Variants in MXI1 observed in about 807,000 individuals in gnomAD.
MXI1 encodes max-interacting protein 1.
Under a neutral mutation model 36.9 loss-of-function variants are expected in MXI1, and 18 were observed. The observed-to-expected ratio is 0.49, with a 90% CI of 0.34 to 0.72. The LOEUF (loss-of-function observed/expected upper bound fraction) is 0.72, where lower values mean the gene tolerates loss of function less well. Ranked by LOEUF, MXI1 falls within the 30% of genes least tolerant of loss-of-function variation. MXI1 has a pLI of 0.01. For missense variants in MXI1, 304 were observed against 379.1 expected (o/e 0.80, Z 1.64); for synonymous variants, 160 against 146.7 (o/e 1.09, Z -0.65).
At chr10:110,215,690 C>T (rs1303386608) in intron 1 of MXI1, among the ~76,000 whole-genome samples, 2 of 152,200 alleles carry the variant, frequency 1.3e-5, no homozygotes, top group Non-Finnish European at 2.9e-5. Context: ...CAAAATGAAG[C>T]TAATTTCAAT....
chr10:110,274,872 A>ATTTTTTTTT (rs66570053), intron 3 of MXI1, among the ~76,000 whole-genome samples: 1 of 109,980 alleles, frequency 9.1e-6, no homozygotes, highest in Admixed American at 9.9e-5. Flanking sequence ...GTGAATAAGG[A>ATTTTTTTTT]TTTTTTTTTT....
Position 110,208,748 on chromosome 10 carries a change from C to G in MXI1, c.274+666C>G, listed in dbSNP as rs999956173. Among the ~76,000 whole-genome samples the G allele has an allele frequency of 8.1e-5, 12 of 148,746 alleles. No homozygotes were observed. In the South Asian group the frequency reaches 1.7e-3, roughly 21 times the overall value. The stretch of plus-strand genomic sequence containing the variant: ...CGTGGGGTGCCACCGCCGCCCCCCC[C>G]CCCCCAAAGAAGGAGGCCGGCGGGG... On this transcript the variant is annotated intron_variant, in intron 1 of 5. Coordinates refer to ENST00000332674, the MANE Select transcript of MXI1 (RefSeq NM_130439.3).
At chr10:110,279,119 T>C (rs1450988867) in intron 3 of MXI1, 61 bp from the exon 4 acceptor site, 2 of 1,260,408 alleles carry the variant, frequency 1.6e-6, no homozygotes, top group Admixed American at 3.6e-5. Context: ...TTAAAATAGG[T>C]TTTATGATAT....
intron 2 of MXI1, among the ~76,000 whole-genome samples, chr10:110,228,667 A>T (rs192575833): frequency 1.1e-3 from 134 of 125,866 alleles, no homozygotes; most frequent in African/African-American, 3.2e-3. Flanking sequence ...CAAGAAGATT[A>T]AAAAAAAAAT....
At chr10:110,246,348 A>G (rs1855863637) in intron 3 of MXI1, among the ~76,000 whole-genome samples, 1 of 152,006 alleles carries the variant, frequency 6.6e-6, no homozygotes, top group South Asian at 2.1e-4. Flanking sequence ...GAGAGATTAG[A>G]TTAATAACAA....
rs1469834689 is a variant in MXI1 at position 110,244,864 on chromosome 10, C to A, written c.437+7C>A. 1 of 1,604,932 alleles carries A rather than the reference C, an allele frequency of 6.2e-7. No individual in the cohort carries two copies. The highest frequency in any genetic ancestry group is 1.1e-5 in the South Asian group (1 of 90,184). On this transcript the variant is annotated splice_region_variant and intron_variant, in intron 3 of 5. Transcript: ENST00000332674. The stretch of plus-strand genomic sequence containing the variant: ...ATGAGCTGGAAAAGAATCGGTGAGT[C>A]AGTGATGAGGTACAGCTTTCACTTA...
intron 3 of MXI1, among the ~76,000 whole-genome samples, chr10:110,251,402 T>C (rs1300164599): frequency 6.6e-6 from 1 of 152,146 alleles, no homozygotes; most frequent in Non-Finnish European, 1.5e-5. Context: ...CCCTATTCTA[T>C]TCTAGTTAAG....
chr10:110,280,031 C>G lies in MXI1; in HGVS notation c.670C>G (p.Arg224Gly), dbSNP rs752984163. Residue 224 changes from arginine to glycine, a missense_variant, in exon 5 of 6, where the codon CGA (arginine) becomes GGA (glycine). This residue lies in a region of MXI1 where 125 missense variants were observed against 194.3 expected (regional missense o/e 0.64). Coordinates refer to ENST00000332674, the MANE Select transcript of MXI1 (RefSeq NM_130439.3). Reference protein sequence around the residue: ...LQGPQEMERIRMDSIGSTISS... With the variant: ...LQGPQEMERIGMDSIGSTISS... ...GGGTCCTCAGGAGATGGAACGAATA[C>G]GAATGGACAGCATTGGATCAACTAT... 3.1e-6 allele frequency: 5 copies of G among 1,605,042 alleles called. No individual in the cohort carries two copies. The highest frequency in any genetic ancestry group is 4.3e-6 in the Non-Finnish European group (5 of 1,174,270).
At chr10:110,235,538 A>G (rs1461587142) in intron 2 of MXI1, among the ~76,000 whole-genome samples, 1 of 151,710 alleles carries the variant, frequency 6.6e-6, no homozygotes, top group African/African-American at 2.4e-5. Context: ...ATACAAAAAA[A>G]TTAGCCAGGC....
intron 3 of MXI1, among the ~76,000 whole-genome samples, 157 bp from the exon 4 acceptor site, chr10:110,279,023 C>T (rs542813314): frequency 2.6e-5 from 4 of 152,232 alleles, no homozygotes; most frequent in African/African-American, 7.2e-5. Context: ...GACTGAAATG[C>T]GGCCACCCCT....
rs112009086 is a variant in MXI1 at position 110,235,687 on chromosome 10, C to CAA, written c.407+7371_407+7372dup. Among the ~76,000 whole-genome samples the CAA allele has an allele frequency of 1.0e-3, 136 of 133,702 alleles. 1 individual carries two copies. In the South Asian group the frequency reaches 0.01, roughly 10 times the overall value. The allele number at this position is 133,702 out of a possible 152,430, so 87.7% of individuals were successfully genotyped here. ...TGGGTGACAGAGCAAGACTCTGTCT[C>CAA]AAAAAATAAATAAATAAATAAATAA... On this transcript the variant is annotated intron_variant, in intron 2 of 5. Coordinates refer to ENST00000332674, the MANE Select transcript of MXI1 (RefSeq NM_130439.3).
intron 3 of MXI1, among the ~76,000 whole-genome samples, chr10:110,254,076 A>G (rs1377081166): frequency 1.3e-5 from 2 of 152,040 alleles, no homozygotes; most frequent in African/African-American, 4.8e-5. Flanking sequence ...AGATATCATG[A>G]TCTTATGTAC....
intron 1 of MXI1, chr10:110,210,146 G>A: frequency 1.6e-6 from 1 of 636,470 alleles, no homozygotes; most frequent in Non-Finnish European, 2.0e-6. Context: ...GGCGCGCCGG[G>A]CTTGGGCTGC....
chr10:110,252,547 A>G (rs1314012421), intron 3 of MXI1, among the ~76,000 whole-genome samples: 1 of 152,106 alleles, frequency 6.6e-6, no homozygotes, highest in African/African-American at 2.4e-5. Flanking sequence ...AGAGAATAAT[A>G]ATCACCTCCT....
chr10:110,232,911 T>C (rs193095314), intron 2 of MXI1, among the ~76,000 whole-genome samples: 8 of 152,348 alleles, frequency 5.3e-5, no homozygotes, highest in African/African-American at 1.9e-4. Context: ...ACACTTAATT[T>C]TGAAGAACAT....
chr10:110,270,276 A>G (rs895543572), intron 3 of MXI1, among the ~76,000 whole-genome samples: 30 of 152,232 alleles, frequency 2.0e-4, no homozygotes, highest in African/African-American at 6.5e-4. Context: ...TTTTCTTTTT[A>G]ACTAAATCCT....
rs775143046 is a variant in MXI1, at chr10:110,279,220, C to T, written c.478C>T (p.Leu160=). 1.7e-5 allele frequency: 27 copies of T among 1,614,066 alleles called. No individual in the cohort carries two copies. The highest frequency in any genetic ancestry group is 2.1e-5 in the Non-Finnish European group (25 of 1,180,032). The change falls in exon 4 of 6, where the codon CTG becomes TTG. Residue 160 remains leucine (L), a synonymous_variant. Coordinates refer to ENST00000332674, the MANE Select transcript of MXI1 (RefSeq NM_130439.3). ...LRLCLERLKV[L]IPLGPDCTRH... is the part of the protein sequence containing the mutation. Reference sequence around the variant, plus strand: ...CCTTTGTTTAGAACGCTTAAAAGTTCTGATTCCACTAGGACCAGACTGCAC... The same window carrying T: ...CCTTTGTTTAGAACGCTTAAAAGTTTTGATTCCACTAGGACCAGACTGCAC...
Position 110,279,238 on chromosome 10 carries a change from G to A in MXI1, c.496G>A (p.Asp166Asn). 1 of 1,614,196 alleles carries A rather than the reference G, an allele frequency of 6.2e-7. No homozygotes were observed. Among genetic ancestry groups the A allele is most frequent in the Non-Finnish European group, 8.5e-7 (1 of 1,180,032 alleles). Residue 166 changes from aspartate to asparagine, a missense_variant, in exon 4 of 6, where the codon GAC becomes AAC. Asp to Asn is a conservative substitution (Grantham distance 23). This residue lies in a region of MXI1 where 125 missense variants were observed against 194.3 expected (regional missense o/e 0.64). Coordinates refer to ENST00000332674, the MANE Select transcript of MXI1 (RefSeq NM_130439.3). The stretch of plus-strand genomic sequence containing the variant: ...AAAAGTTCTGATTCCACTAGGACCA[G>A]ACTGCACCCGGCACACAACACTTGG... ...RLKVLIPLGP[D>N]CTRHTTLGLL...
chr10:110,219,871 T>C (rs1325541637), intron 1 of MXI1, among the ~76,000 whole-genome samples: 1 of 152,256 alleles, frequency 6.6e-6, no homozygotes. Context: ...TCTGACCTAG[T>C]GTTTCTCAAC....
Sources: allele counts gnomAD v4.1 joint callset (sites outside exome capture counted in the v4.1 genomes callset), GRCh38; gene constraint gnomAD v4.1.1; regional missense constraint gnomAD v4.1.1; transcripts MANE v1.5; gene names NCBI Gene and HGNC (gene_info 2026-07-23, HGNC 2026-07-21).